Variants in HIVEP3 observed in about 807,000 individuals in gnomAD.
HIVEP3 encodes the protein HIVEP zinc finger 3, also known as transcription factor HIVEP3.
HIVEP3 carries 49 observed loss-of-function variants against 152.8 expected under a neutral mutation model. That is an observed-to-expected ratio of 0.32 (90% CI 0.26 to 0.41). HIVEP3 has a LOEUF of 0.41. Ranked by LOEUF, HIVEP3 falls within the 10% of genes least tolerant of loss-of-function variation. HIVEP3 has a pLI of 1.00. For synonymous variants in HIVEP3, 1,269 were observed against 1,289.0 expected, an observed-to-expected ratio of 0.98 and a Z score of 0.33; for missense variants, 2,790 against 3,103.3, an observed-to-expected ratio of 0.90 and a Z score of 2.40.
chr1:41,655,856 A>C (rs1254277273), intron 2 of HIVEP3, among the ~76,000 whole-genome samples: 1 of 152,132 alleles, frequency 6.6e-6, no homozygotes, highest in Non-Finnish European at 1.5e-5. Context: ...AGGGCTCAAC[A>C]GATGTCTGCT....
chr1:41,815,464 C>T lies in HIVEP3; in HGVS notation c.-801+102949G>A, dbSNP rs1651203664. 3.3e-5 allele frequency among the ~76,000 whole-genome samples: 5 copies of T among 151,902 alleles called. No individual in the cohort carries two copies. The South Asian group carries it at 1.0e-3, about 32-fold the overall frequency. ...CCAGCCTGGGTGATAGAGTGAGACC[C>T]TGTCTCAAAAAAAGAAAGAAAAAAA... On this transcript the variant is annotated intron_variant, in intron 1 of 8. Coordinates refer to ENST00000372583, the MANE Select transcript of HIVEP3 (RefSeq NM_024503.5).
intron 1 of HIVEP3, among the ~76,000 whole-genome samples, chr1:42,029,350 T>C (rs947305331): frequency 1.3e-5 from 2 of 152,132 alleles, no homozygotes; most frequent in African/African-American, 2.4e-5. Context: ...TGAAATCAAG[T>C]GGGTCTGGAC....
chr1:41,832,871 C>A (rs926395024), intron 1 of HIVEP3, among the ~76,000 whole-genome samples: 2 of 152,178 alleles, frequency 1.3e-5, no homozygotes, highest in African/African-American at 4.8e-5. Context: ...AAAACCAATG[C>A]TGATTTTACC....
At chr1:41,661,626 G>A (rs1645713599) in intron 2 of HIVEP3, among the ~76,000 whole-genome samples, 1 of 152,230 alleles carries the variant, frequency 6.6e-6, no homozygotes, top group African/African-American at 2.4e-5. Context: ...GAGCCCCGAG[G>A]AGCCCCAGGC....
At chr1:41,760,821 C>T (rs1390624324) in intron 1 of HIVEP3, among the ~76,000 whole-genome samples, 1 of 152,126 alleles carries the variant, frequency 6.6e-6, no homozygotes, top group Non-Finnish European at 1.5e-5. Flanking sequence ...AGTGACAAGG[C>T]CCAGCCACCT....
intron 1 of HIVEP3, among the ~76,000 whole-genome samples, chr1:41,945,147 C>A (rs1381300269): frequency 6.6e-6 from 1 of 152,156 alleles, no homozygotes; most frequent in African/African-American, 2.4e-5. Flanking sequence ...TTATGCCCTA[C>A]AGGAAGCCTT....
intron 1 of HIVEP3, among the ~76,000 whole-genome samples, chr1:41,810,743 T>G (rs986983363): frequency 6.6e-6 from 1 of 152,264 alleles, no homozygotes; most frequent in Admixed American, 6.5e-5. Context: ...ATGGTTACAG[T>G]CTTTTAAAAA....
chr1:41,762,746 C>A (rs371296747), intron 1 of HIVEP3, among the ~76,000 whole-genome samples: 5 of 152,214 alleles, frequency 3.3e-5, no homozygotes, highest in Non-Finnish European at 7.3e-5. Context: ...ATGGGATCTG[C>A]GCTGGAGTGC....
chr1:41,892,674 A>T (rs1644464139), intron 1 of HIVEP3, among the ~76,000 whole-genome samples: 2 of 152,208 alleles, frequency 1.3e-5, no homozygotes, highest in African/African-American at 4.8e-5. Context: ...TAAATCAACC[A>T]GCTGTGCCTC....
chr1:41,948,540 A>AG (rs962911166), intron 1 of HIVEP3, among the ~76,000 whole-genome samples: 3 of 30,256 alleles, frequency 9.9e-5, no homozygotes, highest in African/African-American at 4.2e-4. Context: ...TATTGAAGCC[A>AG]AAGAGCCGCA....
At chr1:41,784,316 T>A (rs530723311) in intron 1 of HIVEP3, among the ~76,000 whole-genome samples, 1 of 152,398 alleles carries the variant, frequency 6.6e-6, no homozygotes, top group South Asian at 2.1e-4. Context: ...TTAATTTTTT[T>A]AATATTGGCT....
intron 2 of HIVEP3, among the ~76,000 whole-genome samples, chr1:41,663,455 G>A (rs1000760017): frequency 6.6e-6 from 1 of 152,250 alleles, no homozygotes; most frequent in African/African-American, 2.4e-5. Context: ...GCTGACCCAA[G>A]TTTCCAGGGG....
intron 1 of HIVEP3, among the ~76,000 whole-genome samples, chr1:41,939,518 T>A (rs1457693764): frequency 6.6e-6 from 1 of 152,228 alleles, no homozygotes; most frequent in Non-Finnish European, 1.5e-5. Flanking sequence ...TCTCTCTTCT[T>A]TCTTCCTTTT....
intron 3 of HIVEP3, among the ~76,000 whole-genome samples, chr1:41,623,869 T>C (rs1345639774): frequency 1.3e-5 from 2 of 149,496 alleles, no homozygotes; most frequent in African/African-American, 2.5e-5. Flanking sequence ...CCTTGACCTG[T>C]TGAATGGCCA....
chr1:41,571,037 G>A (rs1481612907), intron 5 of HIVEP3, among the ~76,000 whole-genome samples: 1 of 152,124 alleles, frequency 6.6e-6, no homozygotes, highest in Admixed American at 6.5e-5. Context: ...GTGAGGTACT[G>A]GGGTAGGTGA....
intron 1 of HIVEP3, among the ~76,000 whole-genome samples, chr1:41,907,821 G>A (rs1644738388): frequency 6.6e-6 from 1 of 152,214 alleles, no homozygotes; most frequent in African/African-American, 2.4e-5. Flanking sequence ...CATGGAAGTT[G>A]AGTTCAGCCA....
intron 1 of HIVEP3, among the ~76,000 whole-genome samples, chr1:41,808,947 G>A (rs1377277029): frequency 2.6e-5 from 4 of 152,222 alleles, no homozygotes; most frequent in Non-Finnish European, 5.9e-5. Flanking sequence ...TAAGAGGTAG[G>A]AATTACTATT....
chr1:41,545,018 TACC>T lies in HIVEP3; in HGVS notation c.5208-20111_5208-20109del, dbSNP rs1166539165. Among the ~76,000 whole-genome samples the T allele has an allele frequency of 3.7e-4, 12 of 32,690 alleles. 1 individual carries two copies. The highest frequency in any genetic ancestry group is 2.1e-3 in the East Asian group (2 of 964). 21.4% of individuals were successfully genotyped at this position (32,690 alleles called of 152,430 possible). On this transcript the variant is annotated intron_variant, in intron 5 of 8. Transcript: ENST00000372583. Reference sequence around the variant, plus strand: ...TCGCTACCATCACCACCACCACCACTACCACCACCACCACCACCAATACCACTA... The same window carrying T: ...TCGCTACCATCACCACCACCACCACTACCACCACCACCACCAATACCACTA...
chr1:41,816,405 G>A (rs545669797), intron 1 of HIVEP3, among the ~76,000 whole-genome samples: 2 of 152,162 alleles, frequency 1.3e-5, no homozygotes, highest in African/African-American at 2.4e-5. Context: ...CATCTGTTAC[G>A]GCTGGGTGCA....
Sources: allele counts gnomAD v4.1 joint callset (sites outside exome capture counted in the v4.1 genomes callset), GRCh38; gene constraint gnomAD v4.1.1; transcripts MANE v1.5; gene names NCBI Gene and HGNC (gene_info 2026-07-23, HGNC 2026-07-21).